Variants in ATRX observed in about 807,000 individuals in gnomAD.
The protein encoded by ATRX is ATRX chromatin remodeler.
In ATRX, 12 loss-of-function variants were observed where a neutral mutation model predicts 172.6. The ratio of observed to expected loss-of-function variants is 0.07; its 90% CI spans 0.04 to 0.11. The LOEUF (loss-of-function observed/expected upper bound fraction) is 0.11. ATRX is among the 10% of genes least tolerant of loss of function. The pLI, the probability that ATRX is intolerant of heterozygous loss-of-function variation, is 1.00. For missense variants in ATRX, 1,368 were observed against 1,767.4 expected (o/e 0.77, Z 4.05); for synonymous variants, 674 against 594.7 (o/e 1.13, Z -1.94).
At position 77,644,579 on chromosome X, in the gene ATRX, T is replaced by C. The variant is rs1341962082; in HGVS notation, c.4557+7535A>G. On this transcript the variant is annotated intron_variant, in intron 15 of 34. Transcript: ENST00000373344. The stretch of plus-strand genomic sequence containing the variant: ...CACATGTACCCTAGAACTTAAAGTA[T>C]TAAAAAAAATCACAAAGATACAGCC... 2.7e-5 allele frequency among the ~76,000 whole-genome samples: 3 copies of C among 110,462 alleles called. No homozygotes were observed. In the Admixed American group the frequency reaches 2.9e-4, roughly 11 times the overall value.
chrX:77,545,549 T>A (rs1705939476), intron 30 of ATRX, among the ~76,000 whole-genome samples: 1 of 111,523 alleles, frequency 9.0e-6, no homozygotes, highest in South Asian at 3.8e-4. Flanking sequence ...TAACTCAGTA[T>A]AAACAGCAAG....
intron 1 of ATRX, among the ~76,000 whole-genome samples, chrX:77,751,983 T>G (rs1197401799): frequency 9.0e-6 from 1 of 111,518 alleles, no homozygotes. Context: ...TGCTTAGGAT[T>G]GTTTTGGCTC....
chrX:77,628,033 G>A (rs782315696), intron 19 of ATRX, among the ~76,000 whole-genome samples: 130 of 112,214 alleles, frequency 1.2e-3, no homozygotes, highest in South Asian at 2.2e-3. Flanking sequence ...CAGGGGGAAT[G>A]GCAGCCATGA....
chrX:77,642,736 C>A (rs782288286), intron 15 of ATRX, among the ~76,000 whole-genome samples: 111 of 110,993 alleles, frequency 1.0e-3, no homozygotes, highest in African/African-American at 3.5e-3. Flanking sequence ...AGTTCCCACA[C>A]AGAACTATTT....
intron 15 of ATRX, among the ~76,000 whole-genome samples, chrX:77,649,798 C>T (rs1367447478): frequency 1.8e-5 from 2 of 112,210 alleles, no homozygotes; most frequent in African/African-American, 6.5e-5. Flanking sequence ...CCCCAAGCCA[C>T]ATGGAACTAT....
intron 27 of ATRX, among the ~76,000 whole-genome samples, chrX:77,577,731 G>T (rs911356063): frequency 9.0e-6 from 1 of 111,505 alleles, no homozygotes; most frequent in Non-Finnish European, 1.9e-5. Flanking sequence ...CCAAAAAACA[G>T]AAACAGGAAC....
At chrX:77,763,121 A>T (rs1297848080) in intron 1 of ATRX, among the ~76,000 whole-genome samples, 2 of 108,215 alleles carry the variant, frequency 1.8e-5, no homozygotes, top group Non-Finnish European at 3.8e-5. Context: ...TCGTTATTTT[A>T]TATATATATA....
At chrX:77,631,322 T>TA (rs1400132949) in intron 19 of ATRX, among the ~76,000 whole-genome samples, 5 of 111,539 alleles carry the variant, frequency 4.5e-5, no homozygotes, top group Non-Finnish European at 7.5e-5. Flanking sequence ...ATTTTTTCTT[T>TA]AAAAAAATCC....
chrX:77,614,987 TTGG>T (rs1476678043), intron 22 of ATRX, among the ~76,000 whole-genome samples: 2 of 54,977 alleles, frequency 3.6e-5, no homozygotes, highest in African/African-American at 1.2e-4. Context: ...CCATTTGTGA[TTGG>T]TGGTGGTGGT....
At chrX:77,738,558 C>CTTTTT (rs781834798) in intron 1 of ATRX, among the ~76,000 whole-genome samples, 16 of 73,525 alleles carry the variant, frequency 2.2e-4, no homozygotes, top group African/African-American at 7.3e-4. Flanking sequence ...TCTTTTGTGT[C>CTTTTT]TTTTTTTTTT....
chrX:77,592,590 A>G (rs1019140687), intron 26 of ATRX, among the ~76,000 whole-genome samples: 25 of 109,999 alleles, frequency 2.3e-4, no homozygotes, highest in African/African-American at 8.3e-4. Context: ...AGGCAGGCAG[A>G]TTACCTGAGG....
intron 21 of ATRX, 67 bp from the exon 22 acceptor site, chrX:77,616,797 C>T: frequency 1.3e-6 from 1 of 777,937 alleles, no homozygotes; most frequent in Non-Finnish European, 2.0e-6. Flanking sequence ...TACAAGTTCT[C>T]ATTGCTTATA....
intron 22 of ATRX, among the ~76,000 whole-genome samples, chrX:77,601,108 T>C (rs977538897): frequency 3.6e-5 from 4 of 111,361 alleles, no homozygotes; most frequent in African/African-American, 1.3e-4. Context: ...ACTCCTGTTA[T>C]AAATAAACTT....
rs185226941 is a variant in ATRX at position 77,737,646 on chromosome X, G to A, written c.21-20403C>T. ...AACTCAAAGGATACATGCTTGAGGG[G>A]ATGGACAGCCCATTTTACATGATGT... is the stretch of plus-strand genomic sequence containing the variant. On this transcript the variant is annotated intron_variant, in intron 1 of 34. Coordinates refer to ENST00000373344, the MANE Select transcript of ATRX (RefSeq NM_000489.6). Among the ~76,000 whole-genome samples, 655 of 110,609 alleles carry A rather than the reference G, an allele frequency of 5.9e-3. 1 individual carries two copies. The highest frequency in any genetic ancestry group is 0.011 in the Admixed American group (112 of 10,289).
intron 30 of ATRX, among the ~76,000 whole-genome samples, chrX:77,551,566 T>C (rs2064518096): frequency 8.9e-6 from 1 of 111,951 alleles, no homozygotes; most frequent in Non-Finnish European, 1.9e-5. Context: ...GGGCAAGGAC[T>C]TCATGTCTAA....
intron 1 of ATRX, among the ~76,000 whole-genome samples, chrX:77,762,955 C>G (rs192117662): frequency 9.1e-6 from 1 of 110,406 alleles, no homozygotes; most frequent in Admixed American, 9.8e-5. Context: ...TAGGTAAATA[C>G]CCCATAGTAT....
intron 22 of ATRX, among the ~76,000 whole-genome samples, chrX:77,606,952 G>GATA (rs2066934642): frequency 1.8e-5 from 2 of 111,216 alleles, no homozygotes; most frequent in Non-Finnish European, 3.8e-5. Flanking sequence ...ATAATAAAAA[G>GATA]CCCTAAAAAA....
At chrX:77,708,873 T>C (rs922964132) in intron 2 of ATRX, among the ~76,000 whole-genome samples, 40 of 111,861 alleles carry the variant, frequency 3.6e-4, no homozygotes, top group African/African-American at 1.3e-3. Context: ...AATGGGTTAA[T>C]TGTATGGCAT....
intron 27 of ATRX, among the ~76,000 whole-genome samples, chrX:77,589,291 G>A (rs781793469): frequency 9.0e-6 from 1 of 111,459 alleles, no homozygotes; most frequent in East Asian, 2.8e-4. Context: ...TAGTTAAAGG[G>A]TACAGAGTTT....
Sources: allele counts gnomAD v4.1 joint callset (sites outside exome capture counted in the v4.1 genomes callset), GRCh38; gene constraint gnomAD v4.1.1; transcripts MANE v1.5; gene names NCBI Gene and HGNC (gene_info 2026-07-23, HGNC 2026-07-21).